TATDN1: variants seen among roughly 807,000 people sequenced by gnomAD.
TATDN1 encodes the protein deoxyribonuclease TATDN1.
TATDN1 carries 40 observed loss-of-function variants against 46.4 expected under a neutral mutation model. The observed-to-expected ratio is 0.86, with a 90% CI of 0.67 to 1.12. TATDN1 has a LOEUF of 1.12. TATDN1 is among the 50% of genes most tolerant of loss of function. The pLI, the probability that TATDN1 is intolerant of heterozygous loss-of-function variation, is 0.00. For synonymous variants in TATDN1, 95 were observed against 105.6 expected, an observed-to-expected ratio of 0.90 and a Z score of 0.62; for missense variants, 326 against 348.4, an observed-to-expected ratio of 0.94 and a Z score of 0.51.
In TATDN1 at chr8:124,520,296, G is replaced by A. The variant is rs543009061; in HGVS notation, c.139-1415C>T. On this transcript the variant is annotated intron_variant, in intron 3 of 11. Transcript: ENST00000276692. ...TACTGAAAATACAAAAATTAGCCAG[G>A]CGTGGTGGCAGGCCCCTGTAGTCCC... Among the ~76,000 whole-genome samples the A allele has an allele frequency of 1.0e-3, 154 of 152,112 alleles. 2 individuals carry two copies. The highest frequency in any genetic ancestry group is 3.5e-3 in the African/African-American group (147 of 41,492).
Position 124,508,707 on chromosome 8 carries a change from A to G in TATDN1, c.390-19T>C, listed in dbSNP as rs748285628. ...AAAATATCTGCATAATGCAAAAAAA[A>G]AAAATTCTCATTACAAATTGTATTT... is the stretch of plus-strand genomic sequence containing the variant. On this transcript the variant is annotated intron_variant, in intron 6 of 11. Transcript: ENST00000276692. The G allele has an allele frequency of 3.2e-5, 46 of 1,444,474 alleles. No homozygotes were observed. The highest frequency in any genetic ancestry group is 4.3e-5 in the Non-Finnish European group (46 of 1,074,306). 89.5% of individuals were successfully genotyped at this position (1,444,474 alleles called of 1,614,324 possible). A position where few individuals can be genotyped will look rare whatever the true frequency, so the allele number is the denominator to read the frequency against.
At chr8:124,495,727 C>T (rs533416137) in intron 9 of TATDN1, among the ~76,000 whole-genome samples, 185 bp from the exon 10 acceptor site, 1 of 152,242 alleles carries the variant, frequency 6.6e-6, no homozygotes, top group South Asian at 2.1e-4. Flanking sequence ...CTATTTTAAC[C>T]CAATCTGCCT....
At chr8:124,491,151 C>T (rs1302497605) in intron 11 of TATDN1, 1 of 152,116 alleles carries the variant, frequency 6.6e-6, no homozygotes, top group Non-Finnish European at 1.5e-5. Context: ...CAGCCCTTCC[C>T]CATACTGATA....
intron 1 of TATDN1, among the ~76,000 whole-genome samples, chr8:124,533,109 G>A (rs1409248678): frequency 6.6e-6 from 1 of 151,946 alleles, no homozygotes; most frequent in Non-Finnish European, 1.5e-5. Flanking sequence ...AACATTAGCC[G>A]GGCGTGGTGG....
At chr8:124,495,344 T>A in intron 10 of TATDN1, 128 bp downstream of exon 10, 1 of 682,576 alleles carries the variant, frequency 1.5e-6, no homozygotes, top group East Asian at 2.9e-5. Context: ...GAAAACATAA[T>A]TGTTGAGGTT....
At chr8:124,492,024 G>C (rs1817046966) in intron 11 of TATDN1, among the ~76,000 whole-genome samples, 1 of 148,070 alleles carries the variant, frequency 6.8e-6, no homozygotes, top group East Asian at 2.0e-4. Flanking sequence ...TTCCAGGCTA[G>C]AGTGCAATGG....
At chr8:124,517,404 G>C (rs1413501073) in intron 4 of TATDN1, among the ~76,000 whole-genome samples, 1 of 149,810 alleles carries the variant, frequency 6.7e-6, no homozygotes. Flanking sequence ...CTCCAGCCTG[G>C]GTGATAGAAC....
At chr8:124,512,169 C>A (rs1224926733) in intron 6 of TATDN1, among the ~76,000 whole-genome samples, 1 of 151,978 alleles carries the variant, frequency 6.6e-6, no homozygotes, top group Non-Finnish European at 1.5e-5. Flanking sequence ...ATGCCTGTAA[C>A]CCTAGCACTT....
intron 10 of TATDN1, chr8:124,495,139 T>A (rs1586559387): frequency 3.2e-6 from 1 of 314,892 alleles, no homozygotes; most frequent in East Asian, 8.8e-5. Flanking sequence ...GTAAACAAAA[T>A]TCTGAACAGA....
At chr8:124,514,234 G>C (rs148834203) in intron 6 of TATDN1, among the ~76,000 whole-genome samples, 1 of 152,096 alleles carries the variant, frequency 6.6e-6, no homozygotes, top group African/African-American at 2.4e-5. Context: ...TTTCAACCAG[G>C]GGGTACATAT....
intron 1 of TATDN1, among the ~76,000 whole-genome samples, chr8:124,530,176 G>A (rs1820839643): frequency 6.6e-6 from 1 of 152,102 alleles, no homozygotes; most frequent in African/African-American, 2.4e-5. Flanking sequence ...TAAAAACACA[G>A]GACACATCAA....
chr8:124,521,497 A>G (rs1054306091), intron 3 of TATDN1: 3 of 152,220 alleles, frequency 2.0e-5, no homozygotes, highest in Admixed American at 6.5e-5. Context: ...ATAACAAATA[A>G]AAGTTTAGAG....
intron 1 of TATDN1, among the ~76,000 whole-genome samples, chr8:124,536,713 GT>G (rs1821455712): frequency 6.6e-6 from 1 of 152,164 alleles, no homozygotes; most frequent in Non-Finnish European, 1.5e-5. Context: ...ATTGTCCCAT[GT>G]GAAGCTTGTT....
chr8:124,528,309 G>T (rs1480835561), intron 1 of TATDN1, among the ~76,000 whole-genome samples: 5 of 152,144 alleles, frequency 3.3e-5, no homozygotes, highest in African/African-American at 1.2e-4. Context: ...AAGTAGCTGA[G>T]ACTACAGGCG....
intron 3 of TATDN1, among the ~76,000 whole-genome samples, chr8:124,520,769 C>T (rs1336113671): frequency 2.6e-5 from 4 of 151,566 alleles, no homozygotes; most frequent in African/African-American, 7.3e-5. Context: ...GGTGAAACCC[C>T]GTCTCTACTA....
At chr8:124,524,026 A>G (rs1360025388) in intron 1 of TATDN1, among the ~76,000 whole-genome samples, 1 of 152,150 alleles carries the variant, frequency 6.6e-6, no homozygotes, top group Non-Finnish European at 1.5e-5. Flanking sequence ...GCAGGAGGAG[A>G]ATCTCAAAAT....
At chr8:124,518,912 C>G (rs748155277) in intron 3 of TATDN1, 31 bp from the exon 4 acceptor site, 1 of 1,433,382 alleles carries the variant, frequency 7.0e-7, no homozygotes, top group African/African-American at 1.4e-5. Context: ...AATAAGCTGA[C>G]TTTAATAGGG....
At chr8:124,513,783 T>C (rs1489662603) in intron 6 of TATDN1, among the ~76,000 whole-genome samples, 1 of 152,232 alleles carries the variant, frequency 6.6e-6, no homozygotes, top group Non-Finnish European at 1.5e-5. Flanking sequence ...TTGCTTGTCA[T>C]AACACAGTCT....
chr8:124,490,475 G>A (rs923858309), intron 11 of TATDN1, among the ~76,000 whole-genome samples: 2 of 151,748 alleles, frequency 1.3e-5, no homozygotes, highest in Admixed American at 6.6e-5. Flanking sequence ...GTGCCACTGC[G>A]CTCCAGCCTG....
Sources: allele counts gnomAD v4.1 joint callset (sites outside exome capture counted in the v4.1 genomes callset), GRCh38; gene constraint gnomAD v4.1.1; transcripts MANE v1.5; gene names NCBI Gene and HGNC (gene_info 2026-07-23, HGNC 2026-07-21).